SUCLG2: variants seen among roughly 807,000 people sequenced by gnomAD.
The protein encoded by SUCLG2 is succinate--CoA ligase [GDP-forming] subunit beta, mitochondrial.
SUCLG2 carries 42 observed loss-of-function variants against 47.9 expected under a neutral mutation model. That is an observed-to-expected ratio of 0.88 (90% CI 0.69 to 1.14). The LOEUF is 1.14. Ranked by LOEUF, SUCLG2 falls within the 50% of genes most tolerant of loss-of-function variation. SUCLG2 has a pLI of 0.00. For missense variants in SUCLG2, 571 were observed against 525.9 expected, an observed-to-expected ratio of 1.09 and a Z score of -0.84; for synonymous variants, 195 against 197.3, an observed-to-expected ratio of 0.99 and a Z score of 0.10.
At chr3:67,375,958 C>T in intron 10 of SUCLG2, 99 bp from the exon 11 acceptor site, 1 of 1,468,788 alleles carries the variant, frequency 6.8e-7, no homozygotes, top group Non-Finnish European at 9.0e-7. Flanking sequence ...TACAGCTTTT[C>T]ACTAGGAAAT....
At position 67,397,751 on chromosome 3, in the gene SUCLG2, G is replaced by C. The variant is rs559179215; in HGVS notation, c.1183+2980C>G. ...AAAAGAACAAAGCTGGAGGCATCAC[G>C]CTACCTCAGTTGAAACTATACTACA... On this transcript the variant is annotated intron_variant, in intron 10 of 10. Coordinates refer to ENST00000307227, the MANE Select transcript of SUCLG2 (RefSeq NM_003848.4). 1.6e-4 allele frequency among the ~76,000 whole-genome samples: 25 copies of C among 152,230 alleles called. 1 individual carries two copies. Among genetic ancestry groups the C allele is most frequent in the African/African-American group, 6.0e-4 (25 of 41,544 alleles).
intron 9 of SUCLG2, among the ~76,000 whole-genome samples, chr3:67,402,180 G>C (rs1702698909): frequency 6.6e-6 from 1 of 152,194 alleles, no homozygotes; most frequent in Non-Finnish European, 1.5e-5. Flanking sequence ...GGAATAAAAA[G>C]AGGACCTAGC....
chr3:67,583,122 A>T (rs762567646), intron 2 of SUCLG2, among the ~76,000 whole-genome samples: 1 of 151,944 alleles, frequency 6.6e-6, no homozygotes, highest in Non-Finnish European at 1.5e-5. Flanking sequence ...TCCCACTGAG[A>T]CTCACCAGTG....
chr3:67,645,993 T>C (rs1394829066), intron 1 of SUCLG2, among the ~76,000 whole-genome samples: 25 of 151,244 alleles, frequency 1.7e-4, no homozygotes, highest in Non-Finnish European at 3.7e-4. Flanking sequence ...TAATATTTTC[T>C]GGTAAAGCTA....
intron 9 of SUCLG2, among the ~76,000 whole-genome samples, chr3:67,461,224 G>A (rs1381863274): frequency 6.6e-6 from 1 of 152,108 alleles, no homozygotes; most frequent in Non-Finnish European, 1.5e-5. Flanking sequence ...TTTACCCACA[G>A]CATGCATGAG....
chr3:67,566,612 C>T (rs1452943016), intron 2 of SUCLG2, among the ~76,000 whole-genome samples: 1 of 152,084 alleles, frequency 6.6e-6, no homozygotes, highest in East Asian at 1.9e-4. Context: ...TCTTAACCGG[C>T]TTTATGGTGG....
intron 9 of SUCLG2, among the ~76,000 whole-genome samples, chr3:67,485,080 G>A (rs1047690563): frequency 2.6e-5 from 4 of 152,144 alleles, no homozygotes; most frequent in African/African-American, 9.7e-5. Flanking sequence ...TGAAAAACTC[G>A]GAAGGTGCAT....
chr3:67,624,693 C>A lies in SUCLG2; in HGVS notation c.85-15097G>T, dbSNP rs61051479. On this transcript the variant is annotated intron_variant, in intron 1 of 10. Coordinates refer to ENST00000307227, the MANE Select transcript of SUCLG2 (RefSeq NM_003848.4). ...CAGGGAGGGGGAGAGGGTAAATCAT[C>A]CAAATATTACTTTTATCTATAAGAA... Among the ~76,000 whole-genome samples, 290 of 152,180 alleles carry A rather than the reference C, an allele frequency of 1.9e-3. 1 individual carries two copies. Among genetic ancestry groups the A allele is most frequent in the African/African-American group, 6.5e-3 (268 of 41,514 alleles).
At chr3:67,534,468 G>A (rs1481304124) in intron 2 of SUCLG2, among the ~76,000 whole-genome samples, 1 of 151,430 alleles carries the variant, frequency 6.6e-6, no homozygotes, top group Non-Finnish European at 1.5e-5. Flanking sequence ...TATATTATGG[G>A]CCACATTAAA....
chr3:67,367,968 A>C lies in SUCLG2; in HGVS notation c.1184-7200T>G, dbSNP rs544639496. ...CATATATTATGAACATTCTTTCACA[A>C]AAACGTATATGTTTATTTCCTCATT... On this transcript the variant is annotated intron_variant, in intron 10 of 10. Coordinates refer to the SUCLG2 transcript ENST00000493112. 1.7e-4 allele frequency among the ~76,000 whole-genome samples: 26 copies of C among 152,262 alleles called. No homozygotes were observed. The East Asian group carries it at 3.5e-3, about 20-fold the overall frequency.
intron 2 of SUCLG2, among the ~76,000 whole-genome samples, chr3:67,545,744 C>T (rs1316287800): frequency 1.3e-5 from 2 of 152,082 alleles, no homozygotes; most frequent in Non-Finnish European, 2.9e-5. Flanking sequence ...TCCCTCCTTT[C>T]CTCTCTCCTT....
intron 10 of SUCLG2, among the ~76,000 whole-genome samples, chr3:67,384,537 A>C (rs1273904789): frequency 1.3e-5 from 2 of 152,196 alleles, no homozygotes; most frequent in Non-Finnish European, 2.9e-5. Flanking sequence ...TTACAGAAAA[A>C]GTTTGTAGAC....
intron 2 of SUCLG2, among the ~76,000 whole-genome samples, chr3:67,606,186 C>G (rs1245910473): frequency 6.6e-6 from 1 of 152,116 alleles, no homozygotes; most frequent in Non-Finnish European, 1.5e-5. Context: ...GACTGGGTGA[C>G]AGAGTGAGAC....
chr3:67,524,729 A>G (rs1301910999), intron 4 of SUCLG2, among the ~76,000 whole-genome samples: 1 of 152,184 alleles, frequency 6.6e-6, no homozygotes, highest in African/African-American at 2.4e-5. Flanking sequence ...TTGGACATAT[A>G]TATACATAAA....
At chr3:67,479,622 C>T (rs780665037) in intron 9 of SUCLG2, among the ~76,000 whole-genome samples, 15 of 152,076 alleles carry the variant, frequency 9.9e-5, no homozygotes, top group South Asian at 6.2e-4. Flanking sequence ...AATCAAGAGG[C>T]GGAAAGAAAG....
At chr3:67,574,541 C>T (rs1440257038) in intron 2 of SUCLG2, among the ~76,000 whole-genome samples, 1 of 152,148 alleles carries the variant, frequency 6.6e-6, no homozygotes, top group East Asian at 1.9e-4. Context: ...TCACCGCATA[C>T]CATGCACAAA....
chr3:67,482,385 G>A (rs547075607), intron 9 of SUCLG2, among the ~76,000 whole-genome samples: 2 of 152,296 alleles, frequency 1.3e-5, no homozygotes, highest in African/African-American at 4.8e-5. Context: ...TCAATTGGCA[G>A]TGCCTTTAAG....
chr3:67,518,159 G>T, intron 6 of SUCLG2, 88 bp downstream of exon 6: 1 of 1,042,434 alleles, frequency 9.6e-7, no homozygotes, highest in Non-Finnish European at 1.4e-6. Flanking sequence ...CTGTTTCCTG[G>T]TAATCACAAA....
chr3:67,567,938 C>T (rs1707503403), intron 2 of SUCLG2, among the ~76,000 whole-genome samples: 4 of 152,146 alleles, frequency 2.6e-5, no homozygotes, highest in Admixed American at 2.6e-4. Flanking sequence ...ATGATGATGA[C>T]AACGCTGTTA....
Sources: allele counts gnomAD v4.1 joint callset (sites outside exome capture counted in the v4.1 genomes callset), GRCh38; gene constraint gnomAD v4.1.1; transcripts MANE v1.5; gene names NCBI Gene and HGNC (gene_info 2026-07-23, HGNC 2026-07-21).